CEP126: variants seen among roughly 807,000 people sequenced by gnomAD.
CEP126 encodes centrosomal protein 126, also known as centrosomal protein of 126 kDa.
Under a neutral mutation model 107.8 loss-of-function variants are expected in CEP126, and 74 were observed. The ratio of observed to expected loss-of-function variants is 0.69; its 90% confidence interval spans 0.57 to 0.83. The LOEUF (loss-of-function observed/expected upper bound fraction) is 0.83, where lower values mean the gene tolerates loss of function less well. Among genes scored for constraint, CEP126 ranks in the 40% least tolerant of loss-of-function variants. The pLI, the probability that CEP126 is intolerant of heterozygous loss-of-function variation, is 0.00. For synonymous variants in CEP126, 449 were observed against 446.0 expected, an observed-to-expected ratio of 1.01 and a Z score of -0.08; for missense variants, 1,237 against 1,281.9, an observed-to-expected ratio of 0.96 and a Z score of 0.53.
intron 2 of CEP126, among the ~76,000 whole-genome samples, chr11:101,924,568 C>T (rs1255636816): frequency 2.0e-5 from 3 of 152,050 alleles, no homozygotes; most frequent in African/African-American, 2.4e-5. Context: ...CAGATTCAAA[C>T]GATTCCCCTG....
chr11:101,972,358 G>A (rs1311344998), intron 6 of CEP126, among the ~76,000 whole-genome samples: 2 of 152,076 alleles, frequency 1.3e-5, no homozygotes, highest in Admixed American at 6.5e-5. Context: ...CCTGGGAGGC[G>A]GAGCTTGTAG....
intron 5 of CEP126, among the ~76,000 whole-genome samples, 169 bp downstream of exon 5, chr11:101,958,535 T>C (rs35027388): frequency 0.056 from 8,452 of 152,162 alleles, 452 homozygotes; most frequent in East Asian, 0.26. Flanking sequence ...AAATAATTTT[T>C]TAGTTTTTTC....
chr11:101,945,069 A>T (rs901190690), intron 3 of CEP126, among the ~76,000 whole-genome samples: 1 of 152,196 alleles, frequency 6.6e-6, no homozygotes, highest in African/African-American at 2.4e-5. Context: ...ACCATTAAAG[A>T]TCTCACAACC....
intron 1 of CEP126, among the ~76,000 whole-genome samples, chr11:101,918,155 T>C (rs1351622637): frequency 1.3e-5 from 2 of 152,236 alleles, no homozygotes; most frequent in Middle Eastern, 3.4e-3. Context: ...GAAAGTGAAG[T>C]GAACCCATTC....
At chr11:101,925,242 T>C (rs11225068) in intron 2 of CEP126, among the ~76,000 whole-genome samples, 30,106 of 152,132 alleles carry the variant, frequency 0.2, 3,218 homozygotes, top group Non-Finnish European at 0.24. Context: ...AGTTACTTTC[T>C]AATATGCTTC....
intron 4 of CEP126, chr11:101,955,890 T>C (rs912422444): frequency 4.2e-5 from 19 of 456,288 alleles, no homozygotes; most frequent in Non-Finnish European, 7.5e-5. Flanking sequence ...CACTTCCAAA[T>C]TCTTCCTAGC....
intron 6 of CEP126, among the ~76,000 whole-genome samples, chr11:101,972,587 G>A (rs567790633): frequency 6.6e-6 from 1 of 152,204 alleles, no homozygotes; most frequent in Non-Finnish European, 1.5e-5. Context: ...CGGATCACAA[G>A]GTCAGGAGTT....
intron 5 of CEP126, among the ~76,000 whole-genome samples, chr11:101,959,212 A>C (rs1317286532): frequency 4.0e-5 from 6 of 149,238 alleles, no homozygotes; most frequent in Non-Finnish European, 9.0e-5. Context: ...GCTGGAGTAC[A>C]GTGGTGCAAT....
At chr11:101,966,355 A>AT (rs1198253512) in intron 6 of CEP126, among the ~76,000 whole-genome samples, 2 of 151,836 alleles carry the variant, frequency 1.3e-5, no homozygotes, top group South Asian at 2.1e-4. Flanking sequence ...CATTTGTGGG[A>AT]TTTTTTTTCC....
rs200242937 is a variant in CEP126, at chr11:101,998,001, AT to A, written c.*359del. Reference sequence around the variant, plus strand: ...CAATTTATAGATTTCATGTTGAAATATATGTTAAATAAAATTTCTGTTTATT... The same window carrying A: ...CAATTTATAGATTTCATGTTGAAATAATGTTAAATAAAATTTCTGTTTATT... On this transcript the variant is annotated 3_prime_UTR_variant, in exon 11 of 11. Transcript: ENST00000263468. 3,837 of 179,862 alleles carry A rather than the reference AT, an allele frequency of 0.021. 41 individuals are homozygous for A. The highest frequency in any genetic ancestry group is 0.033 in the Middle Eastern group (13 of 400). The allele number at this position is 179,862 out of a possible 1,614,324, so 11.1% of individuals were successfully genotyped here.
At chr11:101,960,875 A>T (rs547628965) in intron 5 of CEP126, among the ~76,000 whole-genome samples, 6 of 152,154 alleles carry the variant, frequency 3.9e-5, no homozygotes, top group Admixed American at 6.5e-5. Flanking sequence ...TCTTCTTAAA[A>T]TTTATTTCTA....
rs1047583121 is a variant in CEP126 at position 101,915,113 on chromosome 11, G to T, written c.-172G>T. 28 of 969,732 alleles carry T rather than the reference G, an allele frequency of 2.9e-5. No homozygotes were observed. The Admixed American group carries it at 4.5e-4, about 16-fold the overall frequency. The allele number at this position is 969,732 out of a possible 1,614,324, so 60.1% of individuals were successfully genotyped here. On this transcript the variant is annotated 5_prime_UTR_variant, in exon 1 of 11. Coordinates refer to ENST00000263468, the MANE Select transcript of CEP126 (RefSeq NM_020802.4). ...GCCTCAGCTGCCATCGCCGCTACAG[G>T]CACCAGTGCCGCTGCGCGGGAGCTA...
At chr11:101,926,628 G>A (rs1591269241) in intron 2 of CEP126, among the ~76,000 whole-genome samples, 1 of 152,188 alleles carries the variant, frequency 6.6e-6, no homozygotes, top group Admixed American at 6.5e-5. Context: ...CAAGAAGATG[G>A]CTATGGAGGT....
intron 2 of CEP126, among the ~76,000 whole-genome samples, chr11:101,940,834 A>G (rs1261917009): frequency 2.0e-5 from 3 of 152,192 alleles, no homozygotes; most frequent in Non-Finnish European, 4.4e-5. Flanking sequence ...CAGAAGTCCA[A>G]GTTGGAAGCT....
Position 101,948,058 on chromosome 11 carries a change from A to G in CEP126, c.422A>G (p.Glu141Gly). 6.2e-7 allele frequency: 1 copy of G among 1,611,544 alleles called. No homozygotes were observed. The highest frequency in any genetic ancestry group is 8.5e-7 in the Non-Finnish European group (1 of 1,178,272). Residue 141 changes from glutamate to glycine, a missense_variant, in exon 4 of 11, where the codon GAA (glutamate) becomes GGA (glycine). Glu to Gly is a moderately conservative substitution (Grantham distance 98). Transcript: ENST00000263468. ...AVSRKPVPPL[E>G]EALKQIQESN... ...TCCCGAAAACCAGTTCCTCCATTAG[A>G]AGAGGCCCTCAAACAAATTCAGGAA...
At chr11:101,922,365 A>G (rs1940342048) in intron 1 of CEP126, among the ~76,000 whole-genome samples, 1 of 151,442 alleles carries the variant, frequency 6.6e-6, no homozygotes, top group Non-Finnish European at 1.5e-5. Context: ...GGGTTTTGCC[A>G]CGTTGGCCAG....
At chr11:101,974,091 T>C (rs1941164869) in intron 6 of CEP126, among the ~76,000 whole-genome samples, 1 of 152,120 alleles carries the variant, frequency 6.6e-6, no homozygotes, top group Non-Finnish European at 1.5e-5. Flanking sequence ...AAATCAGTTT[T>C]ACACTTCTAA....
At chr11:101,952,422 G>A (rs1030673277) in intron 4 of CEP126, among the ~76,000 whole-genome samples, 1 of 152,158 alleles carries the variant, frequency 6.6e-6, no homozygotes, top group Non-Finnish European at 1.5e-5. Flanking sequence ...AGGTAAAATG[G>A]CACTTTAGTT....
Position 101,978,829 on chromosome 11 carries a change from G to A in CEP126, c.2958+370G>A, listed in dbSNP as rs181306692. On this transcript the variant is annotated intron_variant, in intron 7 of 10. Transcript: ENST00000263468. Reference sequence around the variant, plus strand: ...GTAAAGTAAATTAGAGACCTGGATAGAAGAAACAAGTATGCTAGGCCAGGC... The same window carrying A: ...GTAAAGTAAATTAGAGACCTGGATAAAAGAAACAAGTATGCTAGGCCAGGC... Among the ~76,000 whole-genome samples, 39 of 152,228 alleles carry A rather than the reference G, an allele frequency of 2.6e-4. No homozygotes were observed. The East Asian group carries it at 4.4e-3, about 17-fold the overall frequency.
Sources: allele counts gnomAD v4.1 joint callset (sites outside exome capture counted in the v4.1 genomes callset), GRCh38; gene constraint gnomAD v4.1.1; transcripts MANE v1.5; gene names NCBI Gene and HGNC (gene_info 2026-07-23, HGNC 2026-07-21).